TLR5: variants seen among roughly 807,000 people sequenced by gnomAD.
TLR5 encodes toll like receptor 5, also known as toll-like receptor 5.
For missense variants in TLR5, 944 were observed against 999.8 expected (o/e 0.94, Z 0.75); for synonymous variants, 373 against 384.4 (o/e 0.97, Z 0.35).
At chr1:223,115,614 G>A (rs984985211) in intron 5 of TLR5, among the ~76,000 whole-genome samples, 1 of 149,650 alleles carries the variant, frequency 6.7e-6, no homozygotes, top group African/African-American at 2.5e-5. Context: ...CTGCCCTCAT[G>A]GAGCTTACAT....
Position 223,112,572 on chromosome 1 carries a change from T to G in TLR5, c.460A>C (p.Lys154Gln), listed in dbSNP as rs1473750721. ...LKALTRLDLS[K>Q]NQIRSLYLHP... Reference sequence around the variant, plus strand: ...AGGTAAAGGCTACGAATCTGATTTTTGGATAGATCCAAGCGAGTTAAAGCC... The same window carrying G: ...AGGTAAAGGCTACGAATCTGATTTTGGGATAGATCCAAGCGAGTTAAAGCC... The change falls in exon 6 of 6, where the codon AAA (lysine) becomes CAA (glutamine). Residue 154 changes from lysine (K) to glutamine (Q), a missense_variant. Lys to Gln is a moderately conservative substitution (Grantham distance 53). Transcript: ENST00000642603. The G allele has an allele frequency of 3.1e-6, 5 of 1,614,276 alleles. No homozygotes were observed. The highest frequency in any genetic ancestry group is 1.1e-5 in the South Asian group (1 of 91,086).
At chr1:223,127,218 G>C (rs1379186450) in intron 5 of TLR5, 3 of 152,374 alleles carry the variant, frequency 2.0e-5, no homozygotes, top group Admixed American at 2.0e-4. Flanking sequence ...CAGGGCTTGG[G>C]CTGGCTGTGG....
chr1:223,128,028 T>C (rs1657241798), intron 5 of TLR5: 1 of 152,254 alleles, frequency 6.6e-6, no homozygotes, highest in African/African-American at 2.4e-5. Flanking sequence ...TTCTGATGCA[T>C]ACCCATGTCT....
At chr1:223,115,677 G>A (rs988456935) in intron 5 of TLR5, among the ~76,000 whole-genome samples, 4 of 152,190 alleles carry the variant, frequency 2.6e-5, no homozygotes, top group Non-Finnish European at 5.9e-5. Flanking sequence ...GGTACTGACA[G>A]GCAGAGGTAA....
intron 1 of TLR5, among the ~76,000 whole-genome samples, chr1:223,142,423 C>T (rs1657917184): frequency 6.6e-6 from 1 of 152,208 alleles, no homozygotes; most frequent in African/African-American, 2.4e-5. Context: ...TCTCCCTCCT[C>T]CGGGAGAAAG....
chr1:223,134,506 A>C (rs1411832048), intron 4 of TLR5, 176 bp downstream of exon 4: 1 of 152,224 alleles, frequency 6.6e-6, no homozygotes, highest in Non-Finnish European at 1.5e-5. Context: ...TTGAAAACAC[A>C]TGGTTTAGGT....
In TLR5 at chr1:223,131,156, A is replaced by G. The variant is rs554235779; in HGVS notation, c.-5+1319T>C. On this transcript the variant is annotated intron_variant, in intron 5 of 5. Coordinates refer to ENST00000642603, the MANE Select transcript of TLR5 (RefSeq NM_003268.6). The surrounding 1 kb of genome is among the most constrained non-coding windows in gnomAD (Gnocchi z 4.2). ...GGGGGCTTCCTAGGGCATGACTCTG[A>G]TTAGAAGTCTTCACTGACTCCTCAT... Among the ~76,000 whole-genome samples, 1 of 152,290 alleles carries G rather than the reference A, an allele frequency of 6.6e-6. No individual in the cohort carries two copies. The highest frequency in any genetic ancestry group is 2.1e-4 in the South Asian group (1 of 4,824).
chr1:223,119,499 CAA>C (rs914090515), intron 5 of TLR5, among the ~76,000 whole-genome samples: 4 of 150,308 alleles, frequency 2.7e-5, no homozygotes, highest in African/African-American at 9.8e-5. Context: ...AAGCACATTC[CAA>C]AAAAAAACCT....
At chr1:223,129,262 T>C (rs1657300308) in intron 5 of TLR5, 2 of 152,250 alleles carry the variant, frequency 1.3e-5, no homozygotes. Context: ...CCAGGCACAT[T>C]GGGGCCCACA....
chr1:223,119,695 C>T (rs1320072808), intron 5 of TLR5, among the ~76,000 whole-genome samples: 1 of 151,948 alleles, frequency 6.6e-6, no homozygotes, highest in Admixed American at 6.6e-5. Flanking sequence ...CACAGTGGCT[C>T]ATGCCTGTAA....
At chr1:223,118,554 G>GAAAAAAAAAAAAAAAAAA (rs1163862742) in intron 5 of TLR5, among the ~76,000 whole-genome samples, 1 of 145,270 alleles carries the variant, frequency 6.9e-6, no homozygotes, top group Admixed American at 6.7e-5. Context: ...CTCAAAAAAA[G>GAAAAAAAAAAAAAAAAAA]AAAAAAAGAG....
chr1:223,127,693 A>G (rs1459327319), intron 5 of TLR5: 3 of 152,140 alleles, frequency 2.0e-5, no homozygotes, highest in East Asian at 1.9e-4. Context: ...TTCATAAACC[A>G]CCATGACTTG....
chr1:223,116,431 C>G (rs897520038), intron 5 of TLR5, among the ~76,000 whole-genome samples: 1 of 152,134 alleles, frequency 6.6e-6, no homozygotes, highest in Non-Finnish European at 1.5e-5. Flanking sequence ...GTTGTTCATT[C>G]CTCCCTGTGG....
In TLR5 at chr1:223,126,302, A is replaced by C. The variant is rs1395544330; in HGVS notation, c.-5+6173T>G. Among the ~76,000 whole-genome samples, 3 of 152,208 alleles carry C rather than the reference A, an allele frequency of 2.0e-5. No homozygotes were observed. In the East Asian group the frequency reaches 5.8e-4, roughly 29 times the overall value. On this transcript the variant is annotated intron_variant, in intron 5 of 5. Coordinates refer to ENST00000642603, the MANE Select transcript of TLR5 (RefSeq NM_003268.6). ...ACTTACAAGATATCTAGAATAGATAAATTCAGAGATAGGAAGCAGAGCAGA... is the reference window on the plus strand; with the variant it reads ...ACTTACAAGATATCTAGAATAGATACATTCAGAGATAGGAAGCAGAGCAGA...
chr1:223,135,204 T>A (rs959632884), intron 3 of TLR5, among the ~76,000 whole-genome samples: 3 of 152,174 alleles, frequency 2.0e-5, no homozygotes, highest in South Asian at 4.1e-4. Flanking sequence ...CAGGCCAGGA[T>A]GAGGATGCCC....
intron 2 of TLR5, among the ~76,000 whole-genome samples, chr1:223,139,358 C>T (rs115906223): frequency 2.4e-4 from 36 of 152,302 alleles, no homozygotes; most frequent in African/African-American, 8.2e-4. Flanking sequence ...TTCAGGGAGC[C>T]ATCCCAGCAG....
At chr1:223,135,476 C>T (rs539022825) in intron 3 of TLR5, among the ~76,000 whole-genome samples, 1 of 152,144 alleles carries the variant, frequency 6.6e-6, no homozygotes, top group Non-Finnish European at 1.5e-5. Flanking sequence ...TACATGAGAC[C>T]ATGGCAAAAA....
chr1:223,138,528 A>T (rs1303092756), intron 2 of TLR5, among the ~76,000 whole-genome samples: 1 of 152,150 alleles, frequency 6.6e-6, no homozygotes, highest in East Asian at 1.9e-4. Flanking sequence ...TGTTGCCACT[A>T]TGCTCCCAAA....
At chr1:223,135,167 G>C (rs1350375681) in intron 3 of TLR5, among the ~76,000 whole-genome samples, 1 of 152,170 alleles carries the variant, frequency 6.6e-6, no homozygotes, top group Admixed American at 6.5e-5. Flanking sequence ...GCCCTGAAGA[G>C]GTTGAGAAGG....
Sources: gnomAD v4.1 joint callset for allele counts (sites outside exome capture counted in the v4.1 genomes callset) on GRCh38, gnomAD v4.1.1 for gene constraint, Gnocchi (gnomAD v3.1) non-coding constraint, MANE v1.5 for transcripts, NCBI Gene and HGNC (gene_info 2026-07-23, HGNC 2026-07-21) for gene names.